Variants in PARP12 observed in about 807,000 individuals in gnomAD.
PARP12 encodes the protein protein mono-ADP-ribosyltransferase PARP12.
Under a neutral mutation model 72.4 loss-of-function variants are expected in PARP12, and 59 were observed. The ratio of observed to expected loss-of-function variants is 0.81; its 90% CI spans 0.66 to 1.01. The LOEUF is 1.01. Ranked by LOEUF, PARP12 falls within the 50% of genes least tolerant of loss-of-function variation. PARP12 has a pLI of 0.00. For missense variants in PARP12, 851 were observed against 914.0 expected, an observed-to-expected ratio of 0.93 and a Z score of 0.89; for synonymous variants, 403 against 371.4, an observed-to-expected ratio of 1.09 and a Z score of -0.98.
chr7:140,038,512 G>C (rs542609639), intron 6 of PARP12, among the ~76,000 whole-genome samples: 1 of 152,108 alleles, frequency 6.6e-6, no homozygotes, highest in African/African-American at 2.4e-5. Flanking sequence ...ATAGTACTTA[G>C]GCCATATTCA....
At chr7:140,045,835 T>C (rs1240163247) in intron 5 of PARP12, among the ~76,000 whole-genome samples, 1 of 152,184 alleles carries the variant, frequency 6.6e-6, no homozygotes, top group Non-Finnish European at 1.5e-5. Context: ...TGCCGGGAAG[T>C]GTCTGACCTT....
chr7:140,046,398 G>A (rs1440250038), intron 5 of PARP12, among the ~76,000 whole-genome samples: 2 of 152,084 alleles, frequency 1.3e-5, no homozygotes, highest in Non-Finnish European at 2.9e-5. Context: ...GAAAATACTA[G>A]GACATGCTTG....
At chr7:140,040,766 C>T (rs908964428) in intron 6 of PARP12, among the ~76,000 whole-genome samples, 3 of 152,176 alleles carry the variant, frequency 2.0e-5, no homozygotes, top group Admixed American at 1.3e-4. Flanking sequence ...ATGGTGCCTT[C>T]CCTAAACTTG....
At chr7:140,059,404 T>C (rs73734189) in intron 1 of PARP12, among the ~76,000 whole-genome samples, 3 of 81,360 alleles carry the variant, frequency 3.7e-5, no homozygotes, top group East Asian at 3.4e-4. Context: ...GAACCTAGCT[T>C]TTTTTTTTTT....
chr7:140,041,959 A>G, intron 5 of PARP12, 120 bp from the exon 6 acceptor site: 1 of 839,966 alleles, frequency 1.2e-6, no homozygotes, highest in South Asian at 1.8e-5. Flanking sequence ...ACATTTTAGA[A>G]AAAGTTCCCA....
intron 9 of PARP12, among the ~76,000 whole-genome samples, chr7:140,028,364 G>A (rs543348546): frequency 3.9e-5 from 6 of 152,040 alleles, no homozygotes; most frequent in South Asian, 2.1e-4. Context: ...CAAATTTCAC[G>A]CTCATCCTCC....
At position 140,062,600 on chromosome 7, in the gene PARP12, G is replaced by A. The variant is rs778291347; in HGVS notation, c.248C>T (p.Pro83Leu). 39 of 1,522,494 alleles carry A rather than the reference G, an allele frequency of 2.6e-5. No individual in the cohort carries two copies. The Admixed American group carries it at 7.5e-4, about 29-fold the overall frequency. The allele number at this position is 1,522,494 out of a possible 1,614,324, so 94.3% of individuals were successfully genotyped here. A position where few individuals can be genotyped will look rare whatever the true frequency, so the allele number is the denominator to read the frequency against. ...CTGCGCGCAGAGCCCCACGCAGCCC[G>A]GCTTGGAGCCCTGGTGCGCGCGACA... ...RLCRAHQGSK[P>L]GCVGLCAQLH... Residue 83 changes from proline to leucine, a missense_variant, in exon 1 of 12, where the codon CCG becomes CTG. Transcript: ENST00000263549.
intron 2 of PARP12, 104 bp downstream of exon 2, chr7:140,057,795 G>C: frequency 6.8e-7 from 1 of 1,478,480 alleles, no homozygotes; most frequent in South Asian, 1.3e-5. Context: ...AACCAGACCA[G>C]AGATCACCAA....
chr7:140,025,571 T>C (rs1483251516), intron 11 of PARP12: 4 of 456,314 alleles, frequency 8.8e-6, no homozygotes, highest in Non-Finnish European at 1.8e-5. Flanking sequence ...GGAGACAATA[T>C]ATGCCACCTA....
intron 5 of PARP12, among the ~76,000 whole-genome samples, chr7:140,043,869 A>T (rs1816600999): frequency 6.6e-6 from 1 of 152,230 alleles, no homozygotes; most frequent in Non-Finnish European, 1.5e-5. Flanking sequence ...ACTGAAATTT[A>T]AAAATCATAC....
intron 3 of PARP12, among the ~76,000 whole-genome samples, chr7:140,055,049 A>G (rs1817125368): frequency 6.6e-6 from 1 of 152,210 alleles, no homozygotes; most frequent in South Asian, 2.1e-4. Context: ...ATTTAAAAAC[A>G]CAAGTGCCTG....
chr7:140,046,865 C>T lies in PARP12; in HGVS notation c.986+19G>A, dbSNP rs1032657429. On this transcript the variant is annotated intron_variant, in intron 5 of 11. Transcript: ENST00000263549. ...CAGAAGCCCAGGCACAAAGCAGAGACAAGGGACATATTTCCTACCTTTCTA... is the reference window on the plus strand; with the variant it reads ...CAGAAGCCCAGGCACAAAGCAGAGATAAGGGACATATTTCCTACCTTTCTA... 1 of 1,604,792 alleles carries T rather than the reference C, an allele frequency of 6.2e-7. No homozygotes were observed. The highest frequency in any genetic ancestry group is 8.5e-7 in the Non-Finnish European group (1 of 1,175,718).
At chr7:140,057,369 C>T in intron 2 of PARP12, 1 of 580,206 alleles carries the variant, frequency 1.7e-6, no homozygotes, top group Non-Finnish European at 3.0e-6. Flanking sequence ...TGCACAGAAT[C>T]AGCCCCTCCA....
At position 140,024,765 on chromosome 7, in the gene PARP12, AAGGAGGCAT is replaced by A. The variant is rs1422712275; in HGVS notation, c.1892_1900del (p.Asn631_Phe634delinsIle). ...GCCCTCCTTGGCCGGCGGACGGACA[AAGGAGGCAT>A]TGCCCCTGACGAACTCGCCCACCAG... On this transcript the variant is annotated inframe_deletion, in exon 12 of 12. Transcript: ENST00000263549. 2 of 1,614,070 alleles carry A rather than the reference AAGGAGGCAT, an allele frequency of 1.2e-6. No homozygotes were observed. Among genetic ancestry groups the A allele is most frequent in the Admixed American group, 1.7e-5 (1 of 60,010 alleles).
intron 6 of PARP12, among the ~76,000 whole-genome samples, chr7:140,040,144 T>C (rs1047391519): frequency 2.0e-5 from 3 of 152,134 alleles, no homozygotes; most frequent in African/African-American, 4.8e-5. Flanking sequence ...GCTAAGTGTG[T>C]TGCGCCTGCC....
chr7:140,042,106 T>A (rs1289003375), intron 5 of PARP12, among the ~76,000 whole-genome samples: 3 of 152,198 alleles, frequency 2.0e-5, no homozygotes, highest in Non-Finnish European at 4.4e-5. Context: ...CATTCTTTTT[T>A]AAAATTCACT....
intron 3 of PARP12, among the ~76,000 whole-genome samples, chr7:140,055,151 T>C (rs76610144): frequency 2.3e-4 from 35 of 152,322 alleles, no homozygotes; most frequent in South Asian, 1.0e-3. Flanking sequence ...GGGAGAACCA[T>C]TGTCTTACAT....
At chr7:140,046,672 C>T (rs564425018) in intron 5 of PARP12, among the ~76,000 whole-genome samples, 3 of 152,172 alleles carry the variant, frequency 2.0e-5, no homozygotes, top group Admixed American at 6.5e-5. Flanking sequence ...AGTATGAACG[C>T]TGACTTTCGA....
At position 140,024,505 on chromosome 7, in the gene PARP12, C is replaced by T. The variant is rs759286649; in HGVS notation, c.*55G>A. The stretch of plus-strand genomic sequence containing the variant: ...TCTGTTTAAAAAGAAAAGGAAAGGC[C>T]CAAATAGCCATTTCAAGGCAGAGCA... On this transcript the variant is annotated 3_prime_UTR_variant, in exon 12 of 12. Transcript: ENST00000263549. The T allele has an allele frequency of 3.8e-5, 60 of 1,569,490 alleles. No homozygotes were observed. Among genetic ancestry groups the T allele is most frequent in the Non-Finnish European group, 5.0e-5 (57 of 1,143,102 alleles).
Sources: allele counts gnomAD v4.1 joint callset (sites outside exome capture counted in the v4.1 genomes callset), GRCh38; gene constraint gnomAD v4.1.1; transcripts MANE v1.5; gene names NCBI Gene and HGNC (gene_info 2026-07-23, HGNC 2026-07-21).